DSCAM: variants seen among roughly 807,000 people sequenced by gnomAD.
DSCAM encodes the protein DS cell adhesion molecule.
A neutral mutation model predicts 217.7 loss-of-function variants in DSCAM; 47 were observed. The observed-to-expected ratio is 0.22, with a 90% CI of 0.17 to 0.28. DSCAM has a LOEUF of 0.28. DSCAM is among the 10% of genes least tolerant of loss of function. The pLI is 1.00. For missense variants in DSCAM, 2,080 were observed against 2,618.3 expected (o/e 0.79, Z 4.49); for synonymous variants, 1,056 against 1,015.3 (o/e 1.04, Z -0.76).
chr21:40,028,512 G>A (rs148180966), intron 32 of DSCAM, among the ~76,000 whole-genome samples: 2,373 of 151,976 alleles, frequency 0.016, 60 homozygotes, highest in African/African-American at 0.019. Context: ...CTCCATGGGC[G>A]TAGGACCCTC....
chr21:40,533,906 A>C (rs13047555), intron 3 of DSCAM, among the ~76,000 whole-genome samples: 2 of 152,222 alleles, frequency 1.3e-5, no homozygotes, highest in Non-Finnish European at 2.9e-5. Context: ...TTTCCCTGAA[A>C]GGAAATCCAT....
chr21:40,788,309 C>T (rs931395696), intron 1 of DSCAM, among the ~76,000 whole-genome samples: 2 of 152,152 alleles, frequency 1.3e-5, no homozygotes, highest in Non-Finnish European at 2.9e-5. Context: ...CAAATTCAGG[C>T]CATGGGGGTG....
At chr21:40,094,467 C>A (rs528015570) in intron 20 of DSCAM, among the ~76,000 whole-genome samples, 2 of 152,220 alleles carry the variant, frequency 1.3e-5, no homozygotes, top group South Asian at 4.1e-4. Context: ...GAGCTACACA[C>A]AAAGGACAAG....
chr21:40,628,632 T>C (rs1473526288), intron 3 of DSCAM, among the ~76,000 whole-genome samples: 2 of 152,208 alleles, frequency 1.3e-5, no homozygotes, highest in Non-Finnish European at 2.9e-5. Context: ...CAGAAAAAGT[T>C]TGTTGACTCT....
At chr21:40,210,534 T>C (rs568435766) in intron 11 of DSCAM, among the ~76,000 whole-genome samples, 6 of 152,276 alleles carry the variant, frequency 3.9e-5, no homozygotes, top group Non-Finnish European at 5.9e-5. Context: ...ACTAGATGCC[T>C]TCATCTTTTA....
intron 20 of DSCAM, among the ~76,000 whole-genome samples, chr21:40,123,807 G>T (rs1330642362): frequency 7.0e-6 from 1 of 143,390 alleles, no homozygotes; most frequent in Non-Finnish European, 1.5e-5. Flanking sequence ...AGGAGGGAGG[G>T]AGGGAGAAGG....
chr21:40,177,862 T>C (rs1427270900), intron 15 of DSCAM, among the ~76,000 whole-genome samples: 1 of 152,158 alleles, frequency 6.6e-6, no homozygotes, highest in Non-Finnish European at 1.5e-5. Flanking sequence ...TCAACCTCTC[T>C]TGAAAGTTGC....
chr21:40,293,164 G>A (rs1428382420), intron 10 of DSCAM, among the ~76,000 whole-genome samples: 1 of 152,140 alleles, frequency 6.6e-6, no homozygotes, highest in Non-Finnish European at 1.5e-5. Flanking sequence ...CACACATTAT[G>A]TCCATGATGG....
At chr21:40,590,135 G>A (rs2146241199) in intron 3 of DSCAM, among the ~76,000 whole-genome samples, 1 of 152,300 alleles carries the variant, frequency 6.6e-6, no homozygotes, top group East Asian at 1.9e-4. Flanking sequence ...TAGACCCAAA[G>A]TGCAACAGGA....
intron 3 of DSCAM, among the ~76,000 whole-genome samples, chr21:40,433,378 A>G (rs1275186360): frequency 6.7e-6 from 1 of 149,556 alleles, no homozygotes; most frequent in East Asian, 2.0e-4. Context: ...GAGCACCTGC[A>G]GCAGGCAGGC....
At chr21:40,255,041 T>C (rs1053645934) in intron 11 of DSCAM, among the ~76,000 whole-genome samples, 9 of 152,098 alleles carry the variant, frequency 5.9e-5, no homozygotes, top group Non-Finnish European at 8.8e-5. Flanking sequence ...GCACTGGCAG[T>C]TGTATAGATT....
intron 3 of DSCAM, among the ~76,000 whole-genome samples, chr21:40,498,390 C>A (rs1048194926): frequency 6.6e-6 from 1 of 151,760 alleles, no homozygotes; most frequent in African/African-American, 2.4e-5. Context: ...GTATAAAAAA[C>A]CACACAGTGG....
At chr21:40,263,970 T>G (rs1343504888) in intron 11 of DSCAM, among the ~76,000 whole-genome samples, 1 of 152,074 alleles carries the variant, frequency 6.6e-6, no homozygotes, top group Non-Finnish European at 1.5e-5. Flanking sequence ...AATAAGTTCC[T>G]GGAAACATAC....
intron 3 of DSCAM, among the ~76,000 whole-genome samples, chr21:40,614,947 TTATTA>T (rs1399094942): frequency 6.6e-6 from 1 of 151,570 alleles, no homozygotes; most frequent in African/African-American, 2.4e-5. Context: ...ATTTATGTTT[TTATTA>T]TATATTTTAT....
At chr21:40,838,345 C>A (rs2092073067) in intron 1 of DSCAM, among the ~76,000 whole-genome samples, 1 of 152,208 alleles carries the variant, frequency 6.6e-6, no homozygotes, top group Admixed American at 6.5e-5. Flanking sequence ...CAGTATACGG[C>A]ATGGGCTACC....
intron 1 of DSCAM, among the ~76,000 whole-genome samples, chr21:40,843,161 A>G (rs2092116143): frequency 6.6e-6 from 1 of 152,190 alleles, no homozygotes; most frequent in Non-Finnish European, 1.5e-5. Context: ...AATTAAATAA[A>G]ATAGCAAGCG....
chr21:40,472,920 T>G (rs778435784), intron 3 of DSCAM, among the ~76,000 whole-genome samples: 1 of 152,114 alleles, frequency 6.6e-6, no homozygotes, highest in Non-Finnish European at 1.5e-5. Context: ...ATGCTGATGG[T>G]GCAAACACAG....
rs1568982406 is a variant in DSCAM, at chr21:40,682,818, G to GA, written c.508+9991_508+9992insT. Among the ~76,000 whole-genome samples the GA allele has an allele frequency of 6.3e-4, 50 of 79,742 alleles. 6 individuals carry two copies. The highest frequency in any genetic ancestry group is 9.1e-4 in the African/African-American group (17 of 18,742). 52.3% of individuals were successfully genotyped at this position (79,742 alleles called of 152,430 possible). On this transcript the variant is annotated intron_variant, in intron 3 of 32. Coordinates refer to ENST00000400454, the MANE Select transcript of DSCAM (RefSeq NM_001389.5). Reference sequence around the variant, plus strand: ...GGGAAGGGAAGGGAAGGGAAGGGAAGGGAAGGGAAGGGAAGGGAAGGGAAG... The same window carrying GA: ...GGGAAGGGAAGGGAAGGGAAGGGAAGAGGAAGGGAAGGGAAGGGAAGGGAAG...
chr21:40,294,020 A>G (rs1223971770), intron 10 of DSCAM, among the ~76,000 whole-genome samples: 1 of 152,218 alleles, frequency 6.6e-6, no homozygotes, highest in East Asian at 1.9e-4. Flanking sequence ...TGCAGCAGTT[A>G]TCTTTGATCA....
Sources: gnomAD v4.1 joint callset for allele counts (sites outside exome capture counted in the v4.1 genomes callset) on GRCh38, gnomAD v4.1.1 for gene constraint, MANE v1.5 for transcripts, NCBI Gene and HGNC (gene_info 2026-07-23, HGNC 2026-07-21) for gene names.